SHROOM3: variants seen among roughly 807,000 people sequenced by gnomAD.
The protein encoded by SHROOM3 is shroom family member 3, also known as protein Shroom3.
A neutral mutation model predicts 138.6 loss-of-function variants in SHROOM3; 47 were observed. The observed-to-expected ratio is 0.34, with a 90% confidence interval of 0.27 to 0.43. SHROOM3 has a LOEUF of 0.43. Among genes scored for constraint, SHROOM3 ranks in the 20% least tolerant of loss-of-function variants. The pLI is 1.00. For missense variants in SHROOM3, 2,491 were observed against 2,596.5 expected (o/e 0.96, Z 0.88); for synonymous variants, 1,062 against 1,063.3 (o/e 1.00, Z 0.02).
intron 10 of SHROOM3, among the ~76,000 whole-genome samples, chr4:76,775,132 G>A (rs747701838): frequency 6.6e-5 from 10 of 152,050 alleles, no homozygotes; most frequent in Non-Finnish European, 1.2e-4. Flanking sequence ...CTGAGTCCCC[G>A]AAGTCCTTTG....
intron 2 of SHROOM3, among the ~76,000 whole-genome samples, chr4:76,595,292 G>T (rs1477365028): frequency 6.6e-6 from 1 of 152,180 alleles, no homozygotes; most frequent in Non-Finnish European, 1.5e-5. Flanking sequence ...CATTTCAGCT[G>T]ACTTTGAACG....
chr4:76,717,367 T>C (rs1720404276), intron 3 of SHROOM3, among the ~76,000 whole-genome samples: 1 of 152,230 alleles, frequency 6.6e-6, no homozygotes, highest in African/African-American at 2.4e-5. Context: ...TTCCTGGATC[T>C]GTGGTTTGGT....
chr4:76,736,364 G>A (rs1296949274), intron 4 of SHROOM3, among the ~76,000 whole-genome samples: 2 of 152,080 alleles, frequency 1.3e-5, no homozygotes, highest in Non-Finnish European at 2.9e-5. Context: ...AGTAGGATGC[G>A]CCATTCAGTC....
At chr4:76,661,012 G>A (rs1335845689) in intron 2 of SHROOM3, among the ~76,000 whole-genome samples, 1 of 151,646 alleles carries the variant, frequency 6.6e-6, no homozygotes, top group South Asian at 2.1e-4. Context: ...ACCCAAGCTT[G>A]TCTTGAACTC....
chr4:76,608,159 T>C (rs1229822872), intron 2 of SHROOM3, among the ~76,000 whole-genome samples: 2 of 152,182 alleles, frequency 1.3e-5, no homozygotes, highest in Non-Finnish European at 2.9e-5. Flanking sequence ...AGAGCTGCTA[T>C]TGAGGAAATG....
At chr4:76,611,600 G>C (rs1734762867) in intron 2 of SHROOM3, among the ~76,000 whole-genome samples, 1 of 152,082 alleles carries the variant, frequency 6.6e-6, no homozygotes, top group Non-Finnish European at 1.5e-5. Flanking sequence ...CTGTAATTTA[G>C]GGCAAACTCC....
At chr4:76,618,677 A>G (rs1455568891) in intron 2 of SHROOM3, among the ~76,000 whole-genome samples, 1 of 152,188 alleles carries the variant, frequency 6.6e-6, no homozygotes, top group Non-Finnish European at 1.5e-5. Flanking sequence ...ATTTCAATGC[A>G]TATTTCCTAA....
chr4:76,667,797 C>CCT (rs1488590752), intron 2 of SHROOM3, among the ~76,000 whole-genome samples: 2 of 150,904 alleles, frequency 1.3e-5, no homozygotes, highest in Non-Finnish European at 3.0e-5. Flanking sequence ...TGAAACCCCG[C>CCT]CTCTACTAAA....
intron 2 of SHROOM3, among the ~76,000 whole-genome samples, chr4:76,557,624 C>T (rs948436554): frequency 2.6e-5 from 4 of 152,098 alleles, no homozygotes; most frequent in African/African-American, 2.4e-5. Context: ...CCTCACTATA[C>T]ACACACACAG....
intron 1 of SHROOM3, among the ~76,000 whole-genome samples, chr4:76,491,925 A>C (rs1194716447): frequency 6.6e-6 from 1 of 152,180 alleles, no homozygotes; most frequent in Non-Finnish European, 1.5e-5. Flanking sequence ...TGCCCACTGA[A>C]GCCTCCAAAA....
chr4:76,567,154 G>A (rs1479280507), intron 2 of SHROOM3, among the ~76,000 whole-genome samples: 1 of 152,246 alleles, frequency 6.6e-6, no homozygotes, highest in Non-Finnish European at 1.5e-5. Flanking sequence ...TGTGGGGACA[G>A]TTGCTTGGTT....
intron 2 of SHROOM3, among the ~76,000 whole-genome samples, chr4:76,674,554 CTTTTTTTT>C (rs11312421): frequency 9.7e-6 from 1 of 103,260 alleles, no homozygotes; most frequent in Non-Finnish European, 1.9e-5. Context: ...TCCTTCCTTC[CTTTTTTTT>C]TTTTTTTTTT....
rs982512448 is a variant in SHROOM3 at position 76,773,254 on chromosome 4, A to G, written c.5622+2356A>G. Among the ~76,000 whole-genome samples the G allele has an allele frequency of 2.1e-4, 32 of 151,830 alleles. No homozygotes were observed. In the East Asian group the frequency reaches 2.7e-3, roughly 13 times the overall value. On this transcript the variant is annotated intron_variant, in intron 10 of 10. Coordinates refer to ENST00000296043, the MANE Select transcript of SHROOM3 (RefSeq NM_020859.4). ...ACCAGGTGTGTGGCGGGTGCCTGTA[A>G]TCCCAGCTACTCAGGAGGCTGAGGC...
intron 3 of SHROOM3, among the ~76,000 whole-genome samples, 198 bp downstream of exon 3, chr4:76,710,485 C>T (rs952387612): frequency 1.1e-4 from 16 of 152,150 alleles, no homozygotes; most frequent in African/African-American, 3.4e-4. Flanking sequence ...GTAGTTTACG[C>T]ACAAGGTTCT....
intron 2 of SHROOM3, among the ~76,000 whole-genome samples, chr4:76,666,123 C>T (rs542225920): frequency 2.6e-5 from 4 of 152,218 alleles, no homozygotes; most frequent in African/African-American, 9.6e-5. Flanking sequence ...TGTTGACTTA[C>T]GGTGGTACCT....
chr4:76,513,752 A>G (rs1451924486), intron 1 of SHROOM3, among the ~76,000 whole-genome samples: 2 of 152,266 alleles, frequency 1.3e-5, no homozygotes, highest in East Asian at 1.9e-4. Flanking sequence ...TACAGAGATA[A>G]TATCTCTGAC....
chr4:76,600,586 A>G (rs955873826), intron 2 of SHROOM3, among the ~76,000 whole-genome samples: 2 of 152,190 alleles, frequency 1.3e-5, no homozygotes, highest in African/African-American at 4.8e-5. Flanking sequence ...CCTAAAGAAA[A>G]TGTACTTCAA....
At chr4:76,645,849 C>T (rs371299349) in intron 2 of SHROOM3, among the ~76,000 whole-genome samples, 102 of 152,162 alleles carry the variant, frequency 6.7e-4, no homozygotes, top group African/African-American at 2.4e-3. Flanking sequence ...CTTCTTCTTC[C>T]AAGAATTTCA....
intron 2 of SHROOM3, among the ~76,000 whole-genome samples, chr4:76,649,955 G>T (rs936024139): frequency 5.3e-5 from 8 of 152,290 alleles, no homozygotes; most frequent in African/African-American, 1.2e-4. Context: ...CCAAGATCAA[G>T]GTGCTTGCAG....
Sources: gnomAD v4.1 joint callset for allele counts (sites outside exome capture counted in the v4.1 genomes callset) on GRCh38, gnomAD v4.1.1 for gene constraint, MANE v1.5 for transcripts, NCBI Gene and HGNC (gene_info 2026-07-23, HGNC 2026-07-21) for gene names.